The following KIF11 variants were observed in gnomAD, a reference collection of about 807,000 sequenced individuals.
KIF11 encodes the protein kinesin family member 11, also known as kinesin-like protein KIF11.
In KIF11, 9 loss-of-function variants were observed where a neutral mutation model predicts 121.0. That is an observed-to-expected ratio of 0.07 (90% CI 0.04 to 0.13). The LOEUF (loss-of-function observed/expected upper bound fraction) is 0.13, where lower values mean the gene tolerates loss of function less well. Among genes scored for constraint, KIF11 ranks in the 10% least tolerant of loss-of-function variants. KIF11 has a pLI of 1.00. For missense variants in KIF11, 846 were observed against 1,217.5 expected (o/e 0.69, Z 4.54); for synonymous variants, 408 against 421.0 (o/e 0.97, Z 0.38).
At chr10:92,635,313 C>T (rs1454196238) in intron 14 of KIF11, among the ~76,000 whole-genome samples, 1 of 152,116 alleles carries the variant, frequency 6.6e-6, no homozygotes, top group Non-Finnish European at 1.5e-5. Flanking sequence ...TTGATTCATT[C>T]ATTAAATGGT....
At chr10:92,611,235 C>T (rs1441252669) in intron 6 of KIF11, among the ~76,000 whole-genome samples, 2 of 151,872 alleles carry the variant, frequency 1.3e-5, no homozygotes, top group Non-Finnish European at 2.9e-5. Flanking sequence ...ATTTTTGAGA[C>T]AGAGCCTCTC....
rs180767964 is a variant in KIF11, at chr10:92,610,623, T to G, written c.698+1114T>G. Among the ~76,000 whole-genome samples the G allele has an allele frequency of 2.0e-4, 30 of 151,890 alleles. No individual in the cohort carries two copies. In the East Asian group the frequency reaches 5.8e-3, roughly 30 times the overall value. On this transcript the variant is annotated intron_variant, in intron 6 of 21. Coordinates refer to ENST00000260731, the MANE Select transcript of KIF11 (RefSeq NM_004523.4). ...ATTAGATATTTGCGTGTAGTCTCAG[T>G]TTCGCGGTTAATTCAGTATGTGACT...
At chr10:92,625,946 A>G (rs1433469977) in intron 10 of KIF11, among the ~76,000 whole-genome samples, 1 of 152,190 alleles carries the variant, frequency 6.6e-6, no homozygotes, top group African/African-American at 2.4e-5. Flanking sequence ...ACAAATGGAA[A>G]AACTTTCCAT....
intron 8 of KIF11, among the ~76,000 whole-genome samples, chr10:92,616,441 C>G (rs1304150133): frequency 6.6e-6 from 1 of 151,904 alleles, no homozygotes; most frequent in African/African-American, 2.4e-5. Context: ...CTCAAGTGAC[C>G]CTCATGCCTT....
At chr10:92,612,346 C>G (rs1253272468) in intron 6 of KIF11, among the ~76,000 whole-genome samples, 1 of 152,092 alleles carries the variant, frequency 6.6e-6, no homozygotes, top group African/African-American at 2.4e-5. Flanking sequence ...CTATGTTGCC[C>G]AGGCTGGTTT....
intron 14 of KIF11, among the ~76,000 whole-genome samples, chr10:92,635,516 A>G (rs919972196): frequency 6.6e-6 from 1 of 152,212 alleles, no homozygotes; most frequent in Admixed American, 6.5e-5. Context: ...TCAGAACACA[A>G]CGTTTATCAG....
At chr10:92,608,723 C>T (rs977309861) in intron 4 of KIF11, among the ~76,000 whole-genome samples, 1 of 152,192 alleles carries the variant, frequency 6.6e-6, no homozygotes, top group Non-Finnish European at 1.5e-5. Flanking sequence ...AGGCGTGAGC[C>T]ACCGTGCCTG....
At chr10:92,637,163 T>A (rs1427706156) in intron 14 of KIF11, 21 bp from the exon 15 acceptor site, 15 of 1,555,850 alleles carry the variant, frequency 9.6e-6, no homozygotes, top group Non-Finnish European at 1.3e-5. Context: ...TAAAGACCTA[T>A]TTGTTTATTT....
chr10:92,639,767 T>G, intron 16 of KIF11, 27 bp from the exon 17 acceptor site: 1 of 1,348,132 alleles, frequency 7.4e-7, no homozygotes, highest in South Asian at 1.2e-5. Flanking sequence ...ATTTTAAGTC[T>G]CTTCACTTCC....
At chr10:92,643,891 C>G (rs75810633) in intron 17 of KIF11, among the ~76,000 whole-genome samples, 3 of 152,022 alleles carry the variant, frequency 2.0e-5, no homozygotes, top group African/African-American at 7.3e-5. Context: ...TTTATATATC[C>G]CTACCTAACT....
intron 1 of KIF11, among the ~76,000 whole-genome samples, chr10:92,595,122 C>T (rs915690730): frequency 7.2e-5 from 11 of 152,198 alleles, no homozygotes; most frequent in Non-Finnish European, 1.6e-4. Context: ...TGCAGTGGTG[C>T]AATCTCAGCT....
chr10:92,632,745 T>C (rs767896751), intron 13 of KIF11, 52 bp downstream of exon 13: 34 of 1,118,414 alleles, frequency 3.0e-5, no homozygotes, highest in Non-Finnish European at 4.2e-5. Flanking sequence ...GTAATGTTGA[T>C]TTCAAAACTG....
In KIF11 at chr10:92,611,530, C is replaced by T. The variant is rs1844496285; in HGVS notation, c.699-1510C>T. ...TGGAGATGAATATTATAATTCAGAT[C>T]TATAGTTTACATTTATGTTTTTCCT... is the stretch of plus-strand genomic sequence containing the variant. On this transcript the variant is annotated intron_variant, in intron 6 of 21. Coordinates refer to ENST00000260731, the MANE Select transcript of KIF11 (RefSeq NM_004523.4). Among the ~76,000 whole-genome samples the T allele has an allele frequency of 2.0e-5, 3 of 151,976 alleles. No homozygotes were observed. The South Asian group carries it at 6.2e-4, about 31-fold the overall frequency.
intron 11 of KIF11, among the ~76,000 whole-genome samples, chr10:92,629,585 C>T (rs1844714731): frequency 6.6e-6 from 1 of 151,686 alleles, no homozygotes; most frequent in South Asian, 2.1e-4. Context: ...CCTTTCAGGG[C>T]CACCCTCATA....
At chr10:92,603,027 C>T (rs1844391358) in intron 1 of KIF11, among the ~76,000 whole-genome samples, 1 of 151,130 alleles carries the variant, frequency 6.6e-6, no homozygotes, top group African/African-American at 2.4e-5. Flanking sequence ...GCTAATTTCA[C>T]ACACACATTT....
At chr10:92,640,871 C>A (rs1382017408) in intron 17 of KIF11, among the ~76,000 whole-genome samples, 2 of 152,126 alleles carry the variant, frequency 1.3e-5, no homozygotes, top group African/African-American at 4.8e-5. Flanking sequence ...CTCAGCCTCC[C>A]GAGTAGCTGG....
intron 21 of KIF11, among the ~76,000 whole-genome samples, chr10:92,651,502 ATTTTGTTTTTTTTTTTT>A (rs1844979723): frequency 3.2e-4 from 7 of 21,554 alleles, no homozygotes; most frequent in Admixed American, 6.4e-4. Context: ...TGCCTGGCTA[ATTTTGTTTTTTTTTTTT>A]TTTTTTTTTT....
rs896786457 is a variant in KIF11 at position 92,593,282 on chromosome 10, A to C, written c.-94A>C. 6 of 1,307,216 alleles carry C rather than the reference A, an allele frequency of 4.6e-6. No individual in the cohort carries two copies. In the East Asian group the frequency reaches 7.5e-5, roughly 16 times the overall value. 81.0% of individuals were successfully genotyped at this position (1,307,216 alleles called of 1,614,324 possible). ...GCCACGCCAGCGCCCGAGAGGGACC[A>C]GGGAGACTCCGGCCCCTGTCGGCCG... On this transcript the variant is annotated 5_prime_UTR_variant, in exon 1 of 22. Transcript: ENST00000260731.
At chr10:92,606,226 T>C in intron 1 of KIF11, 39 bp from the exon 2 acceptor site, 1 of 1,533,442 alleles carries the variant, frequency 6.5e-7, no homozygotes, top group Non-Finnish European at 8.7e-7. Context: ...ACCTGAGAAC[T>C]AAGAGCTCTT....
Sources: allele counts gnomAD v4.1 joint callset (sites outside exome capture counted in the v4.1 genomes callset), GRCh38; gene constraint gnomAD v4.1.1; transcripts MANE v1.5; gene names NCBI Gene and HGNC (gene_info 2026-07-23, HGNC 2026-07-21).